SNX13: variants seen among roughly 807,000 people sequenced by gnomAD.
SNX13 encodes the protein sorting nexin-13.
A neutral mutation model predicts 133.6 loss-of-function variants in SNX13; 45 were observed. The observed-to-expected ratio is 0.34, with a 90% CI of 0.27 to 0.43. The LOEUF is 0.43. SNX13 is among the 20% of genes least tolerant of loss of function. SNX13 has a pLI of 1.00. For missense variants in SNX13, 1,032 were observed against 1,145.1 expected, an observed-to-expected ratio of 0.90 and a Z score of 1.43; for synonymous variants, 414 against 373.9, an observed-to-expected ratio of 1.11 and a Z score of -1.24.
intron 20 of SNX13, among the ~76,000 whole-genome samples, chr7:17,812,461 G>A (rs1286944290): frequency 6.6e-6 from 1 of 152,200 alleles, no homozygotes; most frequent in Non-Finnish European, 1.5e-5. Flanking sequence ...TCTCACACCA[G>A]TTAGAATGGC....
At chr7:17,803,880 T>TA (rs757897385) in intron 20 of SNX13, among the ~76,000 whole-genome samples, 3,214 of 77,566 alleles carry the variant, frequency 0.041, 74 homozygotes, top group African/African-American at 0.074. Flanking sequence ...ACCCCATCTC[T>TA]AAAAAAAAAA....
At position 17,850,967 on chromosome 7, in the gene SNX13, G is replaced by A. The variant is rs201599596; in HGVS notation, c.838-3C>T. ...TAGTTGCAGTTAGAATCACGGATCT[G>A]AAAACAAGTTTAAGAAAAACAGGTG... On this transcript the variant is annotated splice_polypyrimidine_tract_variant and splice_region_variant and intron_variant, in intron 9 of 25. Coordinates refer to ENST00000428135, the MANE Select transcript of SNX13 (RefSeq NM_015132.5). The A allele has an allele frequency of 7.3e-5, 116 of 1,597,326 alleles. No individual in the cohort carries two copies. The highest frequency in any genetic ancestry group is 9.7e-5 in the Non-Finnish European group (114 of 1,173,670).
intron 17 of SNX13, among the ~76,000 whole-genome samples, chr7:17,825,762 T>A (rs1194999655): frequency 6.6e-6 from 1 of 152,134 alleles, no homozygotes; most frequent in Admixed American, 6.5e-5. Context: ...AGGAAAAGAA[T>A]GGTTTTAGAG....
chr7:17,875,530 T>C lies in SNX13; in HGVS notation c.614A>G (p.Glu205Gly). The C allele has an allele frequency of 6.2e-7, 1 of 1,610,718 alleles. No individual in the cohort carries two copies. Among genetic ancestry groups the C allele is most frequent in the Non-Finnish European group, 8.5e-7 (1 of 1,179,362 alleles). Residue 205 changes from glutamate to glycine, a missense_variant, in exon 7 of 26, where the codon GAG becomes GGG. Physicochemically the swap from Glu to Gly is moderately conservative, Grantham distance 98 (BLOSUM62 -2). Transcript: ENST00000428135. ...DTFFEVEVEM[E>G]KEVCRDLVCT... is the part of the protein sequence containing the mutation. ...CACTAGATCACGGCAAACCTCCTTC[T>C]CCATTTCAACTTCAACTTCAAAGAA...
intron 16 of SNX13, among the ~76,000 whole-genome samples, chr7:17,827,492 A>T (rs923161589): frequency 6.6e-6 from 1 of 151,996 alleles, no homozygotes; most frequent in African/African-American, 2.4e-5. Context: ...AGGCAATTGC[A>T]TTCTAAGAAG....
chr7:17,934,787 A>G (rs1330933936), intron 1 of SNX13, among the ~76,000 whole-genome samples: 1 of 152,228 alleles, frequency 6.6e-6, no homozygotes, highest in African/African-American at 2.4e-5. Flanking sequence ...AAAACTGCTC[A>G]GCATCACTAA....
At chr7:17,902,098 A>T (rs1797900007) in intron 1 of SNX13, among the ~76,000 whole-genome samples, 1 of 152,210 alleles carries the variant, frequency 6.6e-6, no homozygotes, top group Non-Finnish European at 1.5e-5. Flanking sequence ...TTCATATTCT[A>T]ACAGGTGTTT....
rs1404420 is a variant in SNX13, at chr7:17,791,394, T to C, written c.*2651A>G. On this transcript the variant is annotated 3_prime_UTR_variant, in exon 26 of 26. Coordinates refer to ENST00000428135, the MANE Select transcript of SNX13 (RefSeq NM_015132.5). The stretch of plus-strand genomic sequence containing the variant: ...AGAAAGTTTTTGTTTTTTTTTTTTT[T>C]AAAAAAATTAAGGCTAACCAAGTGC... The C allele has an allele frequency of 1.3e-5, 2 of 150,144 alleles. No individual in the cohort carries two copies. The highest frequency in any genetic ancestry group is 3.0e-5 in the Non-Finnish European group (2 of 67,364). 9.3% of individuals were successfully genotyped at this position (150,144 alleles called of 1,614,324 possible).
At chr7:17,825,221 A>C (rs1297484644) in intron 17 of SNX13, among the ~76,000 whole-genome samples, 1 of 152,152 alleles carries the variant, frequency 6.6e-6, no homozygotes, top group African/African-American at 2.4e-5. Flanking sequence ...GATCTATTTT[A>C]AAAAGATACA....
chr7:17,929,100 G>A (rs1801104058), intron 1 of SNX13, among the ~76,000 whole-genome samples: 1 of 152,094 alleles, frequency 6.6e-6, no homozygotes, highest in African/African-American at 2.4e-5. Flanking sequence ...TACCCTGAGA[G>A]AGAAACTTGC....
intron 16 of SNX13, among the ~76,000 whole-genome samples, chr7:17,829,750 A>G (rs1487478386): frequency 6.6e-6 from 1 of 151,384 alleles, no homozygotes; most frequent in Non-Finnish European, 1.5e-5. Flanking sequence ...AAATCAATTT[A>G]TTTATAAAAT....
At chr7:17,818,906 G>A (rs566063738) in intron 18 of SNX13, among the ~76,000 whole-genome samples, 4 of 152,218 alleles carry the variant, frequency 2.6e-5, no homozygotes, top group Admixed American at 2.6e-4. Flanking sequence ...TACTTAATAT[G>A]ATCATTTAAA....
At chr7:17,905,471 T>TA (rs540116345) in intron 1 of SNX13, among the ~76,000 whole-genome samples, 39 of 152,346 alleles carry the variant, frequency 2.6e-4, no homozygotes, top group Middle Eastern at 3.4e-3. Flanking sequence ...ATAATGCCTT[T>TA]AGAGCTTAAA....
In SNX13 at chr7:17,803,503, C is replaced by G. The variant is rs1784860177; in HGVS notation, c.2142G>C (p.Leu714Phe). Residue 714 changes from leucine (L) to phenylalanine (F), a missense_variant, in exon 21 of 26, where the codon TTG becomes TTC. Leu to Phe is a conservative substitution (Grantham distance 22, BLOSUM62 0). Coordinates refer to ENST00000428135, the MANE Select transcript of SNX13 (RefSeq NM_015132.5). ...SNAVKSLPDS[L>F]AEGMTKMSDN... ...CTGACATTTTAGTCATTCCCTCTGC[C>G]AAGCTATCAGGAAGGGATTTAACTG... 6.2e-7 allele frequency: 1 copy of G among 1,612,366 alleles called. No homozygotes were observed. Among genetic ancestry groups the G allele is most frequent in the Non-Finnish European group, 8.5e-7 (1 of 1,179,158 alleles).
intron 5 of SNX13, chr7:17,889,190 T>C (rs375282385): frequency 6.5e-6 from 1 of 153,536 alleles, no homozygotes; most frequent in Non-Finnish European, 1.4e-5. Context: ...ACCAATTATA[T>C]GTTCTGTGTT....
chr7:17,859,984 C>A (rs1337252672), intron 9 of SNX13, among the ~76,000 whole-genome samples: 1 of 152,096 alleles, frequency 6.6e-6, no homozygotes, highest in Non-Finnish European at 1.5e-5. Context: ...CCTTTAAGAT[C>A]CTGTTTTCAA....
intron 20 of SNX13, among the ~76,000 whole-genome samples, chr7:17,813,967 C>T (rs190526635): frequency 6.8e-4 from 104 of 152,044 alleles, no homozygotes; most frequent in African/African-American, 2.4e-3. Flanking sequence ...TTTAGGGGGA[C>T]AAAGAATAGT....
chr7:17,802,048 C>T (rs1170106363), intron 21 of SNX13, among the ~76,000 whole-genome samples: 1 of 152,058 alleles, frequency 6.6e-6, no homozygotes, highest in Middle Eastern at 3.4e-3. Context: ...TGCATTTTTT[C>T]TGTGTCGATA....
At chr7:17,936,617 T>C (rs879408979) in intron 1 of SNX13, among the ~76,000 whole-genome samples, 8 of 152,190 alleles carry the variant, frequency 5.3e-5, no homozygotes, top group Non-Finnish European at 8.8e-5. Context: ...TTCTTACCTT[T>C]AGTTTTCTGT....
Sources: gnomAD v4.1 joint callset for allele counts (sites outside exome capture counted in the v4.1 genomes callset) on GRCh38, gnomAD v4.1.1 for gene constraint, MANE v1.5 for transcripts, NCBI Gene and HGNC (gene_info 2026-07-23, HGNC 2026-07-21) for gene names.